The following PRELID2 variants were observed in gnomAD, a reference collection of about 807,000 sequenced individuals.
PRELID2 encodes PRELI domain-containing protein 2.
PRELID2 carries 25 observed loss-of-function variants against 28.4 expected under a neutral mutation model. That is an observed-to-expected ratio of 0.88 (90% confidence interval 0.64 to 1.23). The LOEUF (loss-of-function observed/expected upper bound fraction) is 1.23. PRELID2 is among the 50% of genes most tolerant of loss of function. The pLI is 0.00. For synonymous variants in PRELID2, 76 were observed against 71.6 expected, an observed-to-expected ratio of 1.06 and a Z score of -0.31; for missense variants, 201 against 214.4, an observed-to-expected ratio of 0.94 and a Z score of 0.39.
downstream of PRELID2, among the ~76,000 whole-genome samples, chr5:145,755,844 C>T (rs1026049021): frequency 6.6e-6 from 1 of 152,210 alleles, no homozygotes; most frequent in Non-Finnish European, 1.5e-5. Flanking sequence ...GAAGGATCAT[C>T]ACCATACCTG....
chr5:145,820,998 G>A (rs928542012), intron 2 of PRELID2, among the ~76,000 whole-genome samples: 1 of 151,996 alleles, frequency 6.6e-6, no homozygotes, highest in Non-Finnish European at 1.5e-5. Flanking sequence ...CCCAACTCCT[G>A]AGATCTTATC....
chr5:145,393,837 C>A, the PRELID2 span, among the ~76,000 whole-genome samples: 1 of 152,214 alleles, frequency 6.6e-6, no homozygotes, highest in Non-Finnish European at 1.5e-5. Flanking sequence ...CTTGGGGAGA[C>A]TGCATGAGGA....
At chr5:145,391,115 G>A in the PRELID2 span, among the ~76,000 whole-genome samples, 2 of 152,144 alleles carry the variant, frequency 1.3e-5, no homozygotes, top group African/African-American at 4.8e-5. Flanking sequence ...GCTTTTCTAG[G>A]TGCACAACAG....
intron 1 of PRELID2, among the ~76,000 whole-genome samples, chr5:145,697,879 G>A (rs766083897): frequency 2.6e-5 from 4 of 151,900 alleles, no homozygotes; most frequent in Admixed American, 2.0e-4. Context: ...AAGCTGTTTC[G>A]ATTTCAGCTG....
chr5:145,502,843 G>GC (rs1481899845), intron 1 of PRELID2, among the ~76,000 whole-genome samples: 2 of 147,434 alleles, frequency 1.4e-5, no homozygotes, highest in Non-Finnish European at 3.0e-5. Context: ...ATCCCCAGAA[G>GC]TTTTTTTTTT....
the PRELID2 span, among the ~76,000 whole-genome samples, chr5:145,427,700 A>C: frequency 1.1e-5 from 1 of 94,200 alleles, no homozygotes; most frequent in Non-Finnish European, 2.7e-5. Context: ...TCGCACCATT[A>C]AAGGTATAAT....
At chr5:145,347,199 C>T in the PRELID2 span, among the ~76,000 whole-genome samples, 3 of 152,110 alleles carry the variant, frequency 2.0e-5, no homozygotes, top group Non-Finnish European at 2.9e-5. Context: ...TAATATTGCC[C>T]ACTAGTGGCG....
the PRELID2 span, among the ~76,000 whole-genome samples, chr5:145,336,806 T>C: frequency 6.6e-6 from 1 of 151,940 alleles, no homozygotes; most frequent in African/African-American, 2.4e-5. Context: ...GTTCATGTCC[T>C]TTGTAGGGAC....
rs1561559038 is a variant in PRELID2, at chr5:145,724,636, TATA to T, written n.70+40292_70+40294del. On this transcript the variant is annotated intron_variant and non_coding_transcript_variant, in intron 1 of 2. Transcript: ENST00000510259. ...ATATATATATATATATATATATATA[TATA>T]TATATATAATGCCTGTAACTTACTT... Among the ~76,000 whole-genome samples, 3 of 107,480 alleles carry T rather than the reference TATA, an allele frequency of 2.8e-5. No individual in the cohort carries two copies. In the East Asian group the frequency reaches 8.1e-4, roughly 29 times the overall value. The allele number at this position is 107,480 out of a possible 152,430, so 70.5% of individuals were successfully genotyped here.
intron 1 of PRELID2, among the ~76,000 whole-genome samples, chr5:145,533,795 C>T (rs1472060499): frequency 6.6e-6 from 1 of 152,042 alleles, no homozygotes; most frequent in East Asian, 1.9e-4. Context: ...AGTTAGGATT[C>T]CAAATATTTG....
chr5:145,461,286 G>A, the PRELID2 span, among the ~76,000 whole-genome samples: 1 of 152,088 alleles, frequency 6.6e-6, no homozygotes, highest in African/African-American at 2.4e-5. Flanking sequence ...TATACCCTCA[G>A]ACAAGATATT....
the PRELID2 span, among the ~76,000 whole-genome samples, chr5:145,338,929 C>T: frequency 5.9e-5 from 9 of 152,212 alleles, no homozygotes; most frequent in East Asian, 3.9e-4. Context: ...AGCCTTACTG[C>T]GTGGAATTGA....
chr5:145,391,636 T>G, the PRELID2 span, among the ~76,000 whole-genome samples: 1,553 of 152,260 alleles, frequency 0.01, 30 homozygotes, highest in African/African-American at 0.035. Flanking sequence ...CCTCATTACT[T>G]ATGCAAATTT....
intron 4 of PRELID2, among the ~76,000 whole-genome samples, chr5:145,809,350 A>G (rs1229647110): frequency 2.0e-5 from 3 of 150,436 alleles, no homozygotes; most frequent in African/African-American, 7.4e-5. Flanking sequence ...CCCCTTCATC[A>G]AGTCTTGACA....
intron 1 of PRELID2, among the ~76,000 whole-genome samples, chr5:145,483,980 A>C (rs144954506): frequency 1.1e-3 from 169 of 152,332 alleles, no homozygotes; most frequent in African/African-American, 3.8e-3. Context: ...TGAATAAATT[A>C]CTGAAGGTTG....
At chr5:145,309,301 A>T in the PRELID2 span, among the ~76,000 whole-genome samples, 1 of 152,140 alleles carries the variant, frequency 6.6e-6, no homozygotes, top group African/African-American at 2.4e-5. Context: ...AATTGTTAAG[A>T]CGAGATCTGG....
chr5:145,821,990 T>C (rs887068081), intron 2 of PRELID2, among the ~76,000 whole-genome samples: 8 of 152,170 alleles, frequency 5.3e-5, no homozygotes, highest in Non-Finnish European at 7.3e-5. Flanking sequence ...TGCAGGTACA[T>C]GAGAAAATAT....
the PRELID2 span, among the ~76,000 whole-genome samples, chr5:145,241,058 G>A: frequency 6.6e-6 from 1 of 151,910 alleles, no homozygotes; most frequent in African/African-American, 2.4e-5. Context: ...AATCTCTTAG[G>A]GTTGTTCTCA....
At chr5:145,383,874 CTATGTATGTGTGTATATATA>C in the PRELID2 span, among the ~76,000 whole-genome samples, 1 of 151,546 alleles carries the variant, frequency 6.6e-6, no homozygotes, top group Non-Finnish European at 1.5e-5. Context: ...GTATATTTAA[CTATGTATGTGTGTATATATA>C]TATGTGTGTG....
Sources: allele counts gnomAD v4.1 joint callset (sites outside exome capture counted in the v4.1 genomes callset), GRCh38; gene constraint gnomAD v4.1.1; transcripts MANE v1.5; gene names NCBI Gene and HGNC (gene_info 2026-07-23, HGNC 2026-07-21).